The following MACROD2 variants were observed in gnomAD, a reference collection of about 807,000 sequenced individuals.
The protein encoded by MACROD2 is mono-ADP ribosylhydrolase 2.
In MACROD2, 36 loss-of-function variants were observed where a neutral mutation model predicts 70.4. The ratio of observed to expected loss-of-function variants is 0.51; its 90% CI spans 0.39 to 0.68. MACROD2 has a LOEUF of 0.68. MACROD2 is among the 30% of genes least tolerant of loss of function. The pLI, the probability that MACROD2 is intolerant of heterozygous loss-of-function variation, is 0.00. For missense variants in MACROD2, 496 were observed against 538.4 expected (o/e 0.92, Z 0.78); for synonymous variants, 172 against 178.8 (o/e 0.96, Z 0.30).
chr20:15,819,920 CACCCCAA>C (rs1312870002), intron 8 of MACROD2, among the ~76,000 whole-genome samples: 1 of 152,080 alleles, frequency 6.6e-6, no homozygotes, highest in East Asian at 1.9e-4. Context: ...TTGTTATTCT[CACCCCAA>C]TAAAAAAGAA....
At chr20:14,457,868 G>C (rs1451593336) in intron 3 of MACROD2, among the ~76,000 whole-genome samples, 1 of 152,116 alleles carries the variant, frequency 6.6e-6, no homozygotes, top group Non-Finnish European at 1.5e-5. Context: ...GGGAGGCCGA[G>C]GTGGGTGGAT....
rs543377016 is a variant in MACROD2, at chr20:14,089,578, G to C, written c.271+3850G>C. 2.9e-4 allele frequency among the ~76,000 whole-genome samples: 44 copies of C among 152,178 alleles called. No homozygotes were observed. In the Middle Eastern group the frequency reaches 0.017, roughly 59 times the overall value. On this transcript the variant is annotated intron_variant, in intron 3 of 17. Transcript: ENST00000684519. ...GAACTACCTTAACCTCTTTAAATGT[G>C]ACCCAGGGTGGACTTCTTGTGTATT... is the stretch of plus-strand genomic sequence containing the variant.
chr20:14,382,302 C>T (rs1309947526), intron 3 of MACROD2, among the ~76,000 whole-genome samples: 4 of 150,594 alleles, frequency 2.7e-5, no homozygotes, highest in Admixed American at 2.0e-4. Context: ...CCTTGTGATC[C>T]GCCCGCCTTG....
chr20:15,070,623 T>G (rs1029746491), intron 5 of MACROD2, among the ~76,000 whole-genome samples: 5 of 152,078 alleles, frequency 3.3e-5, no homozygotes, highest in African/African-American at 1.2e-4. Flanking sequence ...GCCTGGCACC[T>G]CCTCCGCTCT....
intron 3 of MACROD2, among the ~76,000 whole-genome samples, chr20:14,271,656 C>T (rs1047209875): frequency 5.1e-4 from 77 of 152,226 alleles, no homozygotes; most frequent in Admixed American, 6.5e-4. Flanking sequence ...ATGACTTTGA[C>T]GAGTTGAGAG....
intron 8 of MACROD2, among the ~76,000 whole-genome samples, chr20:15,602,583 C>T (rs2048837234): frequency 6.6e-6 from 1 of 152,052 alleles, no homozygotes; most frequent in African/African-American, 2.4e-5. Context: ...TCTTTATTAG[C>T]CCAGGATCTA....
chr20:15,445,392 TAAC>T (rs1330125674), intron 7 of MACROD2, among the ~76,000 whole-genome samples: 20 of 152,284 alleles, frequency 1.3e-4, no homozygotes, highest in African/African-American at 4.8e-4. Flanking sequence ...CCCTAAAATC[TAAC>T]TAAGTCCTAA....
rs1489735309 is a variant in MACROD2 at position 13,995,949 on chromosome 20, C to T, written c.46+140C>T. On this transcript the variant is annotated intron_variant, in intron 1 of 17. Transcript: ENST00000684519. This position sits in a 1 kb window ranked among gnomAD's most constrained non-coding sequence, Gnocchi z 4.3. ...GGCCGGTGCCGCCTCCCTCCGGTGT[C>T]CGTGTGTACACACGCGCACACTCGC... 8.1e-6 allele frequency: 8 copies of T among 984,282 alleles called. No individual in the cohort carries two copies. Among genetic ancestry groups the T allele is most frequent in the Non-Finnish European group, 1.1e-5 (7 of 651,284 alleles). 61.0% of individuals were successfully genotyped at this position (984,282 alleles called of 1,614,324 possible).
intron 15 of MACROD2, among the ~76,000 whole-genome samples, chr20:16,033,354 A>G (rs976281883): frequency 6.6e-6 from 1 of 152,160 alleles, no homozygotes; most frequent in African/African-American, 2.4e-5. Context: ...GATTTAATCT[A>G]GCTACATCAG....
chr20:14,503,284 G>A (rs2084933528), intron 4 of MACROD2, among the ~76,000 whole-genome samples: 1 of 152,158 alleles, frequency 6.6e-6, no homozygotes, highest in South Asian at 2.1e-4. Flanking sequence ...AAGGTGACAG[G>A]GAAGACCAGG....
chr20:15,806,065 C>A (rs1200979935), intron 8 of MACROD2, among the ~76,000 whole-genome samples: 1 of 152,182 alleles, frequency 6.6e-6, no homozygotes, highest in East Asian at 1.9e-4. Flanking sequence ...GAGATATAGT[C>A]AGTATTTCAT....
At chr20:15,852,838 T>A (rs1041535872) in intron 8 of MACROD2, among the ~76,000 whole-genome samples, 15 of 152,264 alleles carry the variant, frequency 9.9e-5, no homozygotes, top group African/African-American at 3.4e-4. Context: ...AGACTCTGTC[T>A]GTACAAATAT....
At chr20:14,950,754 G>C (rs2074469053) in intron 5 of MACROD2, among the ~76,000 whole-genome samples, 1 of 152,112 alleles carries the variant, frequency 6.6e-6, no homozygotes, top group South Asian at 2.1e-4. Context: ...GACATTCTTA[G>C]AGTTATTTCC....
intron 5 of MACROD2, among the ~76,000 whole-genome samples, chr20:14,731,834 A>G (rs2071601813): frequency 6.6e-6 from 1 of 152,172 alleles, no homozygotes; most frequent in Non-Finnish European, 1.5e-5. Flanking sequence ...ACGAGAATCC[A>G]GTCGTCTTTT....
chr20:14,694,918 C>G (rs1004903750), intron 5 of MACROD2, among the ~76,000 whole-genome samples: 2 of 152,150 alleles, frequency 1.3e-5, no homozygotes, highest in Non-Finnish European at 2.9e-5. Context: ...TTCTGGAGAG[C>G]TAGAGCTTAA....
chr20:14,677,337 C>A (rs1250771752), intron 4 of MACROD2, among the ~76,000 whole-genome samples: 1 of 152,148 alleles, frequency 6.6e-6, no homozygotes, highest in Non-Finnish European at 1.5e-5. Flanking sequence ...GACAACAATT[C>A]CCCTCAAGCA....
intron 8 of MACROD2, among the ~76,000 whole-genome samples, chr20:15,509,842 T>A (rs756695090): frequency 2.0e-5 from 3 of 152,220 alleles, no homozygotes; most frequent in Non-Finnish European, 4.4e-5. Context: ...CATTGATGTG[T>A]GTCTTCTGGA....
At position 15,034,322 on chromosome 20, in the gene MACROD2, G is replaced by A. The variant is rs186366978; in HGVS notation, c.419-195618G>A. 2.6e-5 allele frequency among the ~76,000 whole-genome samples: 4 copies of A among 152,230 alleles called. No individual in the cohort carries two copies. In the East Asian group the frequency reaches 5.8e-4, roughly 22 times the overall value. On this transcript the variant is annotated intron_variant, in intron 5 of 17. Transcript: ENST00000684519. ...GTATGGTATCATTTTTAGTAATGAGGTTACCAAGGTGTTCCAAGGTGAGGC... is the reference window on the plus strand; with the variant it reads ...GTATGGTATCATTTTTAGTAATGAGATTACCAAGGTGTTCCAAGGTGAGGC...
intron 5 of MACROD2, among the ~76,000 whole-genome samples, chr20:14,963,407 A>G (rs1056349106): frequency 6.6e-6 from 1 of 152,106 alleles, no homozygotes. Flanking sequence ...TCTATTAGAC[A>G]ATGGGACGCT....
Sources: allele counts gnomAD v4.1 joint callset (sites outside exome capture counted in the v4.1 genomes callset), GRCh38; gene constraint gnomAD v4.1.1; non-coding constraint Gnocchi (gnomAD v3.1); transcripts MANE v1.5; gene names NCBI Gene and HGNC (gene_info 2026-07-23, HGNC 2026-07-21).